The following CTTNBP2 variants were observed in gnomAD, a reference collection of about 807,000 sequenced individuals.
CTTNBP2 encodes cortactin binding protein 2.
Under a neutral mutation model 156.9 loss-of-function variants are expected in CTTNBP2, and 108 were observed. That is an observed-to-expected ratio of 0.69 (90% CI 0.59 to 0.81). The LOEUF (loss-of-function observed/expected upper bound fraction) is 0.81, where lower values mean the gene tolerates loss of function less well. Ranked by LOEUF, CTTNBP2 falls within the 30% of genes least tolerant of loss-of-function variation. The pLI is 0.00. For synonymous variants in CTTNBP2, 767 were observed against 751.8 expected, an observed-to-expected ratio of 1.02 and a Z score of -0.33; for missense variants, 1,924 against 2,035.4, an observed-to-expected ratio of 0.95 and a Z score of 1.05.
rs531957201 is a variant in CTTNBP2, at chr7:117,748,399, G to A, written c.3349-2300C>T. On this transcript the variant is annotated intron_variant, in intron 12 of 22. Coordinates refer to ENST00000160373, the MANE Select transcript of CTTNBP2 (RefSeq NM_033427.3). ...TTAGGACATTTTTCTCCAATTTTTTGGTAATTTCTCCTCTTCTAGTTCTCT... is the reference window on the plus strand; with the variant it reads ...TTAGGACATTTTTCTCCAATTTTTTAGTAATTTCTCCTCTTCTAGTTCTCT... Among the ~76,000 whole-genome samples, 3 of 151,902 alleles carry A rather than the reference G, an allele frequency of 2.0e-5. No individual in the cohort carries two copies. The East Asian group carries it at 5.8e-4, about 29-fold the overall frequency.
chr7:117,787,558 C>T (rs1798768481), intron 4 of CTTNBP2, among the ~76,000 whole-genome samples: 1 of 152,026 alleles, frequency 6.6e-6, no homozygotes, highest in Non-Finnish European at 1.5e-5. Flanking sequence ...AAAGAAAAAA[C>T]AGAAAAAACA....
In CTTNBP2 at chr7:117,777,433, G is replaced by C. The variant is rs1798163746; in HGVS notation, c.2778+78C>G. The C allele has an allele frequency of 6.4e-6, 9 of 1,405,534 alleles. No individual in the cohort carries two copies. The South Asian group carries it at 1.2e-4, about 19-fold the overall frequency. 87.1% of individuals were successfully genotyped at this position (1,405,534 alleles called of 1,614,324 possible). A position where few individuals can be genotyped will look rare whatever the true frequency, so the allele number is the denominator to read the frequency against. ...CAGTCTCCAATTATTCAATTTAAGT[G>C]CACTTAATCTATAGCAGACAACTTT... On this transcript the variant is annotated intron_variant, in intron 8 of 22. Transcript: ENST00000160373.
chr7:117,773,024 G>GA (rs1050895664), intron 8 of CTTNBP2, among the ~76,000 whole-genome samples: 1 of 151,926 alleles, frequency 6.6e-6, no homozygotes, highest in Non-Finnish European at 1.5e-5. Flanking sequence ...AAAATTAATA[G>GA]AAAAAAAGGA....
chr7:117,774,370 G>A (rs1372503187), intron 8 of CTTNBP2, among the ~76,000 whole-genome samples: 2 of 152,112 alleles, frequency 1.3e-5, no homozygotes, highest in African/African-American at 2.4e-5. Flanking sequence ...GATGAACTAT[G>A]TCAGGGGTCC....
At chr7:117,770,263 C>T (rs923040663) in intron 8 of CTTNBP2, among the ~76,000 whole-genome samples, 2 of 152,098 alleles carry the variant, frequency 1.3e-5, no homozygotes, top group African/African-American at 2.4e-5. Context: ...TATTTCTGGC[C>T]GTCAAAGTAG....
chr7:117,843,624 C>T (rs1409307122), intron 2 of CTTNBP2, among the ~76,000 whole-genome samples: 1 of 152,020 alleles, frequency 6.6e-6, no homozygotes. Context: ...AGCCTTGAGG[C>T]CACAGAAAGG....
chr7:117,755,502 C>A, intron 12 of CTTNBP2: 1 of 466,854 alleles, frequency 2.1e-6, no homozygotes, highest in Non-Finnish European at 4.4e-6. Context: ...CAGAGACTTG[C>A]ACAATCCTGG....
intron 2 of CTTNBP2, among the ~76,000 whole-genome samples, chr7:117,849,143 C>T (rs1469532209): frequency 6.6e-6 from 1 of 152,194 alleles, no homozygotes; most frequent in East Asian, 1.9e-4. Context: ...AATTTACTGG[C>T]CGTCTTGCTT....
At chr7:117,784,193 G>T in intron 5 of CTTNBP2, 58 bp downstream of exon 5, 1 of 1,317,250 alleles carries the variant, frequency 7.6e-7, no homozygotes, top group Non-Finnish European at 1.0e-6. Context: ...ATTGATACAT[G>T]GGCTTTTGAC....
intron 5 of CTTNBP2, among the ~76,000 whole-genome samples, chr7:117,783,839 A>C (rs1563002824): frequency 6.6e-6 from 1 of 152,182 alleles, no homozygotes; most frequent in East Asian, 1.9e-4. Context: ...CGGTTCTTTT[A>C]AGACATTCAA....
At chr7:117,802,064 C>G (rs574442773) in intron 3 of CTTNBP2, among the ~76,000 whole-genome samples, 10,834 of 119,094 alleles carry the variant, frequency 0.091, 754 homozygotes, top group African/African-American at 0.19. Flanking sequence ...CCCCTCCCCC[C>G]ACCCCACCAC....
chr7:117,848,627 G>T (rs1307124102), intron 2 of CTTNBP2, among the ~76,000 whole-genome samples: 9 of 152,148 alleles, frequency 5.9e-5, no homozygotes, highest in Admixed American at 5.9e-4. Context: ...AACTCAAGCT[G>T]CTCCTATTTT....
chr7:117,817,263 G>C (rs1162023213), intron 2 of CTTNBP2, among the ~76,000 whole-genome samples: 3 of 147,802 alleles, frequency 2.0e-5, no homozygotes, highest in Non-Finnish European at 4.5e-5. Context: ...AAACCCGGAA[G>C]GCGGAGCTTG....
chr7:117,836,826 T>C (rs912968056), intron 2 of CTTNBP2, among the ~76,000 whole-genome samples: 4 of 152,168 alleles, frequency 2.6e-5, no homozygotes, highest in South Asian at 2.1e-4. Context: ...AAACCCTTTA[T>C]AAAAACATCA....
At chr7:117,843,704 G>C (rs950201474) in intron 2 of CTTNBP2, among the ~76,000 whole-genome samples, 5 of 152,154 alleles carry the variant, frequency 3.3e-5, no homozygotes, top group African/African-American at 1.2e-4. Flanking sequence ...ACATGATCCC[G>C]ATCTTGTTTT....
intron 2 of CTTNBP2, among the ~76,000 whole-genome samples, chr7:117,857,713 T>G (rs1409668452): frequency 3.3e-5 from 5 of 152,104 alleles, no homozygotes; most frequent in Admixed American, 1.3e-4. Context: ...CAAGATGCAC[T>G]TCCTTCACAG....
intron 2 of CTTNBP2, among the ~76,000 whole-genome samples, chr7:117,815,973 C>T (rs1232169858): frequency 1.3e-5 from 2 of 152,164 alleles, no homozygotes; most frequent in African/African-American, 2.4e-5. Context: ...ATAATGCATA[C>T]TTGTTGACTG....
At chr7:117,817,361 A>AAAAAAT (rs1554437688) in intron 2 of CTTNBP2, among the ~76,000 whole-genome samples, 15 of 53,292 alleles carry the variant, frequency 2.8e-4, no homozygotes, top group Admixed American at 5.4e-4. Context: ...AAAAAAAAAA[A>AAAAAAT]ATATATATAT....
At chr7:117,761,005 A>T (rs573996180) in intron 9 of CTTNBP2, among the ~76,000 whole-genome samples, 1 of 152,220 alleles carries the variant, frequency 6.6e-6, no homozygotes, top group Non-Finnish European at 1.5e-5. Flanking sequence ...AAAAAAAAAA[A>T]TCTGAAAGAA....
Sources: allele counts gnomAD v4.1 joint callset (sites outside exome capture counted in the v4.1 genomes callset), GRCh38; gene constraint gnomAD v4.1.1; transcripts MANE v1.5; gene names NCBI Gene and HGNC (gene_info 2026-07-23, HGNC 2026-07-21).